The following TYW1B variants were observed in gnomAD, a reference collection of about 807,000 sequenced individuals.
TYW1B encodes S-adenosyl-L-methionine-dependent tRNA 4-demethylwyosine synthase TYW1B.
Under a neutral mutation model 86.9 loss-of-function variants are expected in TYW1B, and 73 were observed. The observed-to-expected ratio is 0.84, with a 90% CI of 0.70 to 1.02. TYW1B has a LOEUF of 1.02. Ranked by LOEUF, TYW1B falls within the 50% of genes least tolerant of loss-of-function variation. The pLI, the probability that TYW1B is intolerant of heterozygous loss-of-function variation, is 0.00. For synonymous variants in TYW1B, 248 were observed against 292.8 expected (o/e 0.85, Z 1.56); for missense variants, 637 against 827.4 (o/e 0.77, Z 2.82).
chr7:72,681,161 C>T (rs1263227097), intron 11 of TYW1B, among the ~76,000 whole-genome samples: 3 of 152,166 alleles, frequency 2.0e-5, no homozygotes, highest in African/African-American at 7.2e-5. Flanking sequence ...TTCAGAGACC[C>T]AAGCTTTCAA....
chr7:72,597,585 A>ATG (rs1811567388), intron 13 of TYW1B, among the ~76,000 whole-genome samples: 1 of 151,834 alleles, frequency 6.6e-6, no homozygotes, highest in Non-Finnish European at 1.5e-5. Context: ...CCCTGAACGC[A>ATG]CCCGATCTCG....
intron 12 of TYW1B, among the ~76,000 whole-genome samples, chr7:72,625,966 G>A (rs1812339645): frequency 6.6e-6 from 1 of 151,794 alleles, no homozygotes; most frequent in South Asian, 2.1e-4. Flanking sequence ...TTATAATAGA[G>A]GTTTTACTGC....
chr7:72,660,108 A>G (rs1346487342), intron 11 of TYW1B, among the ~76,000 whole-genome samples: 1 of 152,122 alleles, frequency 6.6e-6, no homozygotes, highest in Non-Finnish European at 1.5e-5. Context: ...GGCAGCTCAC[A>G]CCTACAATCC....
At chr7:72,689,821 C>G (rs1814097660) in intron 11 of TYW1B, among the ~76,000 whole-genome samples, 2 of 152,174 alleles carry the variant, frequency 1.3e-5, no homozygotes, top group African/African-American at 4.8e-5. Flanking sequence ...TTTCTCTTTA[C>G]TTCCCCCAAA....
intron 1 of TYW1B, 138 bp from the exon 2 acceptor site, chr7:72,827,123 G>C (rs1788947375): frequency 8.2e-7 from 1 of 1,217,052 alleles, no homozygotes; most frequent in South Asian, 1.6e-5. Flanking sequence ...AAAATCAACT[G>C]TTGGCCGGGC....
chr7:72,771,582 A>C (rs572448846), intron 7 of TYW1B, among the ~76,000 whole-genome samples: 1 of 152,028 alleles, frequency 6.6e-6, no homozygotes, highest in African/African-American at 2.4e-5. Context: ...AAAAACAAAC[A>C]AAAAAAACCT....
At chr7:72,685,534 A>T (rs1371966348) in intron 11 of TYW1B, among the ~76,000 whole-genome samples, 1 of 152,230 alleles carries the variant, frequency 6.6e-6, no homozygotes, top group Non-Finnish European at 1.5e-5. Context: ...TCTTTAGCAA[A>T]AGAGAAAAAA....
At chr7:72,632,477 T>TATATATACACATATATATATAAA (rs1812559453) in intron 11 of TYW1B, among the ~76,000 whole-genome samples, 1 of 120,424 alleles carries the variant, frequency 8.3e-6, no homozygotes, top group Non-Finnish European at 1.6e-5. Context: ...ATATATAAAA[T>TATATATACACATATATATATAAA]ATATATATAC....
intron 2 of TYW1B, among the ~76,000 whole-genome samples, chr7:72,823,942 G>A (rs778137823): frequency 1.4e-4 from 22 of 152,026 alleles, no homozygotes; most frequent in Non-Finnish European, 2.4e-4. Context: ...GCAAGTATTC[G>A]TTTGATCTTT....
chr7:72,692,899 A>C (rs6959705), intron 11 of TYW1B, among the ~76,000 whole-genome samples: 2 of 152,158 alleles, frequency 1.3e-5, no homozygotes, highest in African/African-American at 4.8e-5. Context: ...CTGGGGAATA[A>C]GGTGAAAAAT....
chr7:72,764,250 C>T (rs1554467913), intron 7 of TYW1B, among the ~76,000 whole-genome samples: 1 of 152,154 alleles, frequency 6.6e-6, no homozygotes, highest in East Asian at 1.9e-4. Context: ...CAATCAGCTA[C>T]ATTCCAAAAC....
At chr7:72,651,401 T>C (rs1554442762) in intron 11 of TYW1B, among the ~76,000 whole-genome samples, 1 of 152,142 alleles carries the variant, frequency 6.6e-6, no homozygotes. Flanking sequence ...GCAGATCACT[T>C]GAGGTCAGGA....
intron 7 of TYW1B, among the ~76,000 whole-genome samples, chr7:72,760,560 T>C (rs1293790008): frequency 5.3e-5 from 8 of 152,216 alleles, no homozygotes; most frequent in Non-Finnish European, 7.4e-5. Context: ...TGTGTCTACA[T>C]TGTATAACTT....
chr7:72,660,334 A>G (rs868932170), intron 11 of TYW1B, among the ~76,000 whole-genome samples: 3 of 152,116 alleles, frequency 2.0e-5, no homozygotes, highest in Admixed American at 6.6e-5. Flanking sequence ...TGATTGGGCC[A>G]TTGCACTCCA....
At chr7:72,597,567 C>T (rs1266816223) in intron 13 of TYW1B, among the ~76,000 whole-genome samples, 3 of 151,714 alleles carry the variant, frequency 2.0e-5, no homozygotes, top group East Asian at 3.9e-4. Context: ...TCGTCTATGG[C>T]GGTACCACCC....
intron 7 of TYW1B, among the ~76,000 whole-genome samples, chr7:72,768,318 G>A (rs1234631268): frequency 4.0e-5 from 6 of 151,762 alleles, no homozygotes; most frequent in South Asian, 2.1e-4. Flanking sequence ...AACTCTGTCC[G>A]CCCCCTCGGC....
intron 13 of TYW1B, among the ~76,000 whole-genome samples, chr7:72,614,848 CAA>C (rs1812031527): frequency 6.6e-6 from 1 of 152,152 alleles, no homozygotes. Flanking sequence ...GCTATGTTAA[CAA>C]AGTGTTTCAT....
chr7:72,630,293 T>G (rs573959415), intron 11 of TYW1B, among the ~76,000 whole-genome samples: 212 of 152,050 alleles, frequency 1.4e-3, no homozygotes, highest in African/African-American at 4.7e-3. Flanking sequence ...ATAAAAATAA[T>G]AAGAAGAATG....
At chr7:72,701,741 T>G (rs1281144924) in intron 10 of TYW1B, among the ~76,000 whole-genome samples, 1 of 152,208 alleles carries the variant, frequency 6.6e-6, no homozygotes, top group Admixed American at 6.5e-5. Context: ...CCGATATTCA[T>G]TGTTGTGTTT....
Sources: gnomAD v4.1 joint callset for allele counts (sites outside exome capture counted in the v4.1 genomes callset) on GRCh38, gnomAD v4.1.1 for gene constraint, MANE v1.5 for transcripts, NCBI Gene and HGNC (gene_info 2026-07-23, HGNC 2026-07-21) for gene names.